Variants in FAF1 observed in about 807,000 individuals in gnomAD.
FAF1 encodes the protein FAS-associated factor 1.
FAF1 carries 25 observed loss-of-function variants against 92.5 expected under a neutral mutation model. That is an observed-to-expected ratio of 0.27 (90% CI 0.20 to 0.38). The LOEUF (loss-of-function observed/expected upper bound fraction) is 0.38. Among genes scored for constraint, FAF1 ranks in the 10% least tolerant of loss-of-function variants. FAF1 has a pLI of 1.00. For missense variants in FAF1, 636 were observed against 793.3 expected, an observed-to-expected ratio of 0.80 and a Z score of 2.38; for synonymous variants, 234 against 273.2, an observed-to-expected ratio of 0.86 and a Z score of 1.42.
At chr1:50,724,139 A>G (rs924825573) in intron 6 of FAF1, among the ~76,000 whole-genome samples, 2 of 150,356 alleles carry the variant, frequency 1.3e-5, no homozygotes, top group Admixed American at 6.7e-5. Context: ...AGGCTAAGGC[A>G]GGAGGACGAC....
At chr1:50,577,072 C>T (rs146316493) in intron 12 of FAF1, among the ~76,000 whole-genome samples, 2 of 152,324 alleles carry the variant, frequency 1.3e-5, no homozygotes, top group East Asian at 3.9e-4. Flanking sequence ...GCAACTCCGT[C>T]CTGCATTTTT....
intron 4 of FAF1, among the ~76,000 whole-genome samples, 192 bp from the exon 5 acceptor site, chr1:50,744,967 A>G (rs1216880322): frequency 6.6e-6 from 1 of 152,160 alleles, no homozygotes. Context: ...GAGGATGACA[A>G]AAGATAGCAT....
chr1:50,447,571 T>C (rs1048832288), intron 18 of FAF1, among the ~76,000 whole-genome samples: 1 of 152,248 alleles, frequency 6.6e-6, no homozygotes, highest in Non-Finnish European at 1.5e-5. Flanking sequence ...GACTGTGTGC[T>C]GATAGCACTG....
At chr1:50,532,907 G>C (rs1161698265) in intron 15 of FAF1, among the ~76,000 whole-genome samples, 5 of 152,160 alleles carry the variant, frequency 3.3e-5, no homozygotes, top group Admixed American at 1.3e-4. Flanking sequence ...CAACTCGTGG[G>C]CTCAAGTGAT....
At position 50,705,756 on chromosome 1, in the gene FAF1, T is replaced by C. The variant is rs184981476; in HGVS notation, c.657+30A>G. On this transcript the variant is annotated intron_variant, in intron 7 of 18. Coordinates refer to ENST00000396153, the MANE Select transcript of FAF1 (RefSeq NM_007051.3). ...TCAACATTAGCTATAATGAGCTACC[T>C]TTATTTCTTAGCTGTGAGACATAAC... 2.4e-6 allele frequency: 3 copies of C among 1,262,930 alleles called. No homozygotes were observed. The African/African-American group carries it at 4.4e-5, about 19-fold the overall frequency. 78.2% of individuals were successfully genotyped at this position (1,262,930 alleles called of 1,614,324 possible).
chr1:50,628,616 A>G (rs763787352), intron 8 of FAF1, among the ~76,000 whole-genome samples: 1 of 152,232 alleles, frequency 6.6e-6, no homozygotes, highest in Non-Finnish European at 1.5e-5. Context: ...TCAAAAGCTT[A>G]AAAGTGATTA....
intron 13 of FAF1, among the ~76,000 whole-genome samples, chr1:50,542,030 C>A (rs764894575): frequency 5.3e-5 from 8 of 152,086 alleles, no homozygotes; most frequent in Non-Finnish European, 8.8e-5. Flanking sequence ...AAAACAACAA[C>A]AAAGTGATCA....
chr1:50,922,818 C>CAAAAAAAAAAAAAAAAAA, intron 1 of FAF1, among the ~76,000 whole-genome samples: 2 of 56,892 alleles, frequency 3.5e-5, no homozygotes, highest in African/African-American at 6.0e-5. Context: ...GAATCCACCA[C>CAAAAAAAAAAAAAAAAAA]AAAAAAAAAA....
chr1:50,750,125 A>G (rs1659794980), intron 4 of FAF1, among the ~76,000 whole-genome samples: 1 of 152,202 alleles, frequency 6.6e-6, no homozygotes, highest in African/African-American at 2.4e-5. Flanking sequence ...CAGAGCCAGA[A>G]TTCATATTTG....
intron 13 of FAF1, among the ~76,000 whole-genome samples, chr1:50,554,186 G>C (rs1307780845): frequency 6.6e-6 from 1 of 150,572 alleles, no homozygotes; most frequent in African/African-American, 2.5e-5. Context: ...AGCATGGCAA[G>C]ATCATGGGAA....
intron 15 of FAF1, among the ~76,000 whole-genome samples, chr1:50,534,746 A>G (rs1044686357): frequency 1.3e-5 from 2 of 152,238 alleles, no homozygotes; most frequent in African/African-American, 4.8e-5. Flanking sequence ...TGCTTAGCAC[A>G]GTGCCTAGCA....
intron 1 of FAF1, among the ~76,000 whole-genome samples, chr1:50,903,434 G>A (rs892013682): frequency 1.3e-5 from 2 of 151,962 alleles, no homozygotes; most frequent in African/African-American, 4.8e-5. Context: ...CATTTTTGTA[G>A]CTCTGTCATC....
intron 1 of FAF1, among the ~76,000 whole-genome samples, chr1:50,889,556 T>C (rs529417291): frequency 0.01 from 1,528 of 152,344 alleles, 41 homozygotes; most frequent in East Asian, 0.014. Flanking sequence ...GAGGTTCTGG[T>C]ATGTTGTGTC....
At chr1:50,743,785 G>A (rs1659482421) in intron 5 of FAF1, among the ~76,000 whole-genome samples, 2 of 152,042 alleles carry the variant, frequency 1.3e-5, no homozygotes, top group South Asian at 4.2e-4. Context: ...AAAAAAAAGT[G>A]TGTAAGCCCA....
At chr1:50,736,421 C>T (rs528275809) in intron 6 of FAF1, among the ~76,000 whole-genome samples, 1 of 152,244 alleles carries the variant, frequency 6.6e-6, no homozygotes, top group Admixed American at 6.5e-5. Flanking sequence ...ATATAACTTA[C>T]TAGGATATTG....
At chr1:50,862,662 T>C (rs770843598) in intron 1 of FAF1, among the ~76,000 whole-genome samples, 3 of 151,162 alleles carry the variant, frequency 2.0e-5, no homozygotes, top group Non-Finnish European at 4.4e-5. Flanking sequence ...ACCTAACACA[T>C]AAAGACTCAC....
chr1:50,575,709 T>C (rs1157046558), intron 12 of FAF1, among the ~76,000 whole-genome samples: 1 of 152,224 alleles, frequency 6.6e-6, no homozygotes, highest in South Asian at 2.1e-4. Flanking sequence ...GTCCTGACTT[T>C]AAGGAATTTA....
At chr1:50,799,273 A>T (rs942857600) in intron 3 of FAF1, among the ~76,000 whole-genome samples, 1 of 152,212 alleles carries the variant, frequency 6.6e-6, no homozygotes, top group Non-Finnish European at 1.5e-5. Flanking sequence ...TAAACTCTCT[A>T]ACTTTGAATT....
chr1:50,538,580 A>G (rs1345488598), intron 14 of FAF1, among the ~76,000 whole-genome samples: 1 of 150,520 alleles, frequency 6.6e-6, no homozygotes, highest in East Asian at 1.9e-4. Flanking sequence ...AAGTCTTATT[A>G]CAGTTAGGAA....
Sources: gnomAD v4.1 joint callset for allele counts (sites outside exome capture counted in the v4.1 genomes callset) on GRCh38, gnomAD v4.1.1 for gene constraint, MANE v1.5 for transcripts, NCBI Gene and HGNC (gene_info 2026-07-23, HGNC 2026-07-21) for gene names.